The following JARID2 variants were observed in gnomAD, a reference collection of about 807,000 sequenced individuals.
The protein encoded by JARID2 is protein Jumonji.
Under a neutral mutation model 125.6 loss-of-function variants are expected in JARID2, and 21 were observed. The ratio of observed to expected loss-of-function variants is 0.17; its 90% confidence interval spans 0.12 to 0.24. The LOEUF is 0.24. Among genes scored for constraint, JARID2 ranks in the 10% least tolerant of loss-of-function variants. The pLI is 1.00. For missense variants in JARID2, 1,303 were observed against 1,639.6 expected (o/e 0.79, Z 3.55); for synonymous variants, 736 against 661.6 (o/e 1.11, Z -1.73).
chr6:15,289,479 C>T (rs559926028), intron 1 of JARID2, among the ~76,000 whole-genome samples: 40 of 152,240 alleles, frequency 2.6e-4, no homozygotes, highest in African/African-American at 8.7e-4. Flanking sequence ...GCAATCCTCC[C>T]GCTTCGGCCT....
At chr6:15,507,076 C>CT in intron 9 of JARID2, 60 bp from the exon 10 acceptor site, 3 of 1,075,686 alleles carry the variant, frequency 2.8e-6, no homozygotes, top group Non-Finnish European at 4.3e-6. Context: ...TTGGGTTGAA[C>CT]TGTGCTCTGT....
intron 1 of JARID2, among the ~76,000 whole-genome samples, chr6:15,346,574 A>T (rs1438568032): frequency 6.6e-6 from 1 of 151,878 alleles, no homozygotes; most frequent in East Asian, 1.9e-4. Flanking sequence ...TGGTTGATGC[A>T]TCTGTGTACC....
At chr6:15,458,966 C>T (rs1446984846) in intron 4 of JARID2, among the ~76,000 whole-genome samples, 2 of 152,194 alleles carry the variant, frequency 1.3e-5, no homozygotes, top group Non-Finnish European at 2.9e-5. Flanking sequence ...CATAATACAC[C>T]TATGAGGTTA....
rs1002660438 is a variant in JARID2, at chr6:15,520,679, A to G, written c.*428A>G. On this transcript the variant is annotated 3_prime_UTR_variant, in exon 18 of 18. Coordinates refer to ENST00000341776, the MANE Select transcript of JARID2 (RefSeq NM_004973.4). Reference sequence around the variant, plus strand: ...GAGCAGATTTTTTAGAAGGGATAGGAGACACACGCGCACACACACACACAC... The same window carrying G: ...GAGCAGATTTTTTAGAAGGGATAGGGGACACACGCGCACACACACACACAC... 8 of 376,654 alleles carry G rather than the reference A, an allele frequency of 2.1e-5. 1 individual carries two copies. Among genetic ancestry groups the G allele is most frequent in the African/African-American group, 1.9e-4 (8 of 41,026 alleles). 23.3% of individuals were successfully genotyped at this position (376,654 alleles called of 1,614,324 possible).
At chr6:15,435,542 AGT>A (rs1408056838) in intron 3 of JARID2, among the ~76,000 whole-genome samples, 1 of 152,122 alleles carries the variant, frequency 6.6e-6, no homozygotes, top group Non-Finnish European at 1.5e-5. Context: ...GAAGCACAAA[AGT>A]GGGGTCATTT....
intron 1 of JARID2, among the ~76,000 whole-genome samples, chr6:15,275,330 T>C (rs546655025): frequency 1.4e-4 from 22 of 152,224 alleles, no homozygotes; most frequent in Admixed American, 1.3e-3. Flanking sequence ...ACAAAGGCCA[T>C]GTGCACAGCT....
At chr6:15,389,015 T>C (rs9396584) in intron 2 of JARID2, among the ~76,000 whole-genome samples, 122,150 of 151,994 alleles carry the variant, frequency 0.8, 49,504 homozygotes, top group Admixed American at 0.85. Context: ...AGGCCACGTG[T>C]GGAGGCTCCC....
chr6:15,515,226 A>G (rs1771490205), intron 16 of JARID2, among the ~76,000 whole-genome samples: 1 of 151,562 alleles, frequency 6.6e-6, no homozygotes. Context: ...TTTGTGGTAG[A>G]GATGGGGTTT....
At chr6:15,286,365 C>A (rs1204469119) in intron 1 of JARID2, among the ~76,000 whole-genome samples, 1 of 151,100 alleles carries the variant, frequency 6.6e-6, no homozygotes, top group African/African-American at 2.4e-5. Flanking sequence ...TGATTCTCTG[C>A]CTCAGCCGCC....
At chr6:15,413,002 G>GGTTTTTTTTTTTTTTTTT (rs1765951845) in intron 3 of JARID2, among the ~76,000 whole-genome samples, 1 of 46,532 alleles carries the variant, frequency 2.1e-5, no homozygotes, top group African/African-American at 9.3e-5. Context: ...AAGAGCTTGT[G>GGTTTTTTTTTTTTTTTTT]TTTTTGTTTT....
At chr6:15,311,074 A>G (rs906273604) in intron 1 of JARID2, among the ~76,000 whole-genome samples, 1 of 152,182 alleles carries the variant, frequency 6.6e-6, no homozygotes, top group African/African-American at 2.4e-5. Context: ...GATAGTTGCT[A>G]TAATAATTCT....
chr6:15,291,923 G>A (rs1264391085), intron 1 of JARID2, among the ~76,000 whole-genome samples: 1 of 151,800 alleles, frequency 6.6e-6, no homozygotes, highest in African/African-American at 2.4e-5. Context: ...TATTACATAT[G>A]TTCCATAATA....
At position 15,438,357 on chromosome 6, in the gene JARID2, C is replaced by G. The variant is rs749729763; in HGVS notation, c.324-13649C>G. Reference sequence around the variant, plus strand: ...CCCCCCTCCCAGTGCCTGTCACCCACATCTTTATGAACATGATTCTGCATT... The same window carrying G: ...CCCCCCTCCCAGTGCCTGTCACCCAGATCTTTATGAACATGATTCTGCATT... On this transcript the variant is annotated intron_variant, in intron 3 of 17. Transcript: ENST00000341776. 3.3e-4 allele frequency among the ~76,000 whole-genome samples: 50 copies of G among 152,204 alleles called. 1 individual carries two copies. The highest frequency in any genetic ancestry group is 6.2e-4 in the Non-Finnish European group (42 of 68,042).
intron 1 of JARID2, among the ~76,000 whole-genome samples, chr6:15,286,563 C>A (rs116328322): frequency 6.7e-6 from 1 of 150,150 alleles, no homozygotes; most frequent in African/African-American, 2.4e-5. Context: ...TGCAGTGTTT[C>A]GATTGAAATT....
intron 8 of JARID2, 32 bp from the exon 9 acceptor site, chr6:15,504,468 C>T: frequency 6.5e-7 from 1 of 1,540,150 alleles, no homozygotes; most frequent in Admixed American, 1.7e-5. Flanking sequence ...AGCTTTGCTT[C>T]TGAAGCTTTA....
At chr6:15,299,147 C>T (rs927033308) in intron 1 of JARID2, among the ~76,000 whole-genome samples, 2 of 152,120 alleles carry the variant, frequency 1.3e-5, no homozygotes, top group Non-Finnish European at 2.9e-5. Context: ...ACTTCACTGA[C>T]CCGTGAGCCT....
intron 1 of JARID2, among the ~76,000 whole-genome samples, chr6:15,274,800 C>G (rs941023653): frequency 3.3e-5 from 5 of 152,172 alleles, no homozygotes; most frequent in African/African-American, 1.2e-4. Flanking sequence ...TCCCAGTTTT[C>G]TCCTGATTCT....
intron 2 of JARID2, among the ~76,000 whole-genome samples, chr6:15,375,072 T>G (rs1228892039): frequency 1.3e-5 from 2 of 152,124 alleles, no homozygotes; most frequent in Non-Finnish European, 2.9e-5. Flanking sequence ...TCACCACATA[T>G]GGGGTACTTG....
At position 15,496,650 on chromosome 6, in the gene JARID2, G is replaced by A. The variant is rs746665947; in HGVS notation, c.1425G>A (p.Pro475=). The A allele has an allele frequency of 9.3e-6, 15 of 1,611,970 alleles. No individual in the cohort carries two copies. Among genetic ancestry groups the A allele is most frequent in the African/African-American group, 1.3e-5 (1 of 74,912 alleles). The part of the protein sequence containing the change: ...GPAEGPGKKA[P]AERGLLNGHV... ...CCGAAGGCCCTGGCAAGAAGGCCCC[G>A]GCCGAGAGAGGTCTGCTGAACGGAC... is the stretch of plus-strand genomic sequence containing the variant. The change falls in exon 7 of 18, where the codon CCG becomes CCA. Residue 475 remains proline, a synonymous_variant. Coordinates refer to ENST00000341776, the MANE Select transcript of JARID2 (RefSeq NM_004973.4).
Sources: allele counts gnomAD v4.1 joint callset (sites outside exome capture counted in the v4.1 genomes callset), GRCh38; gene constraint gnomAD v4.1.1; transcripts MANE v1.5; gene names NCBI Gene and HGNC (gene_info 2026-07-23, HGNC 2026-07-21).